The following IL1R1 variants were observed in gnomAD, a reference collection of about 807,000 sequenced individuals.
IL1R1 encodes the protein interleukin 1 receptor type 1.
IL1R1 carries 22 observed loss-of-function variants against 50.2 expected under a neutral mutation model. The observed-to-expected ratio is 0.44, with a 90% CI of 0.31 to 0.63. The LOEUF (loss-of-function observed/expected upper bound fraction) is 0.63, where lower values mean the gene tolerates loss of function less well. Ranked by LOEUF, IL1R1 falls within the 20% of genes least tolerant of loss-of-function variation. The pLI is 0.07. For missense variants in IL1R1, 509 were observed against 676.2 expected (o/e 0.75, Z 2.74); for synonymous variants, 251 against 236.7 (o/e 1.06, Z -0.55).
intron 1 of IL1R1, among the ~76,000 whole-genome samples, chr2:102,082,624 C>CAAACAAAACA (rs139456099): frequency 3.4e-4 from 52 of 151,956 alleles, no homozygotes; most frequent in East Asian, 1.4e-3. Flanking sequence ...ACTGCTTCAT[C>CAAACAAAACA]AAACAAAACA....
chr2:102,139,442 G>A (rs1266084161), upstream of IL1R1, among the ~76,000 whole-genome samples: 2 of 152,246 alleles, frequency 1.3e-5, no homozygotes, highest in Admixed American at 6.5e-5. Context: ...AAGCCAAATG[G>A]CATCCCTCTC....
At chr2:102,090,375 G>A (rs11123907) in intron 1 of IL1R1, among the ~76,000 whole-genome samples, 27,626 of 152,010 alleles carry the variant, frequency 0.18, 3,034 homozygotes, top group East Asian at 0.53. Context: ...TTTGAAAAAC[G>A]TTTGGCCACT....
chr2:102,093,064 T>C (rs571466952), intron 1 of IL1R1, among the ~76,000 whole-genome samples: 36 of 152,310 alleles, frequency 2.4e-4, no homozygotes, highest in Non-Finnish European at 4.4e-4. Flanking sequence ...TGTTTCCACT[T>C]TTGTTCATTA....
At chr2:102,160,703 T>C (rs927831764) in intron 3 of IL1R1, among the ~76,000 whole-genome samples, 2 of 152,276 alleles carry the variant, frequency 1.3e-5, no homozygotes, top group Middle Eastern at 3.4e-3. Context: ...GCCCAAAGCC[T>C]GCAAAAATGG....
intron 1 of IL1R1, among the ~76,000 whole-genome samples, chr2:102,137,002 T>C (rs939999394): frequency 3.3e-5 from 5 of 152,256 alleles, no homozygotes; most frequent in African/African-American, 1.2e-4. Flanking sequence ...TACATAGTTA[T>C]AGCTACTTCT....
intron 1 of IL1R1, among the ~76,000 whole-genome samples, chr2:102,112,041 T>C (rs1680793789): frequency 6.6e-6 from 1 of 152,032 alleles, no homozygotes; most frequent in South Asian, 2.1e-4. Context: ...AGAGTGTCTC[T>C]ATTATGCATC....
chr2:102,118,078 G>A (rs1577886488), intron 1 of IL1R1, among the ~76,000 whole-genome samples: 1 of 152,228 alleles, frequency 6.6e-6, no homozygotes, highest in East Asian at 1.9e-4. Flanking sequence ...GGTGATGGGA[G>A]TCTTTTGTTC....
intron 2 of IL1R1, among the ~76,000 whole-genome samples, chr2:102,156,588 T>G (rs1487701280): frequency 6.6e-6 from 1 of 152,040 alleles, no homozygotes; most frequent in East Asian, 1.9e-4. Context: ...CTTGGCTCAC[T>G]GCAACCCCCG....
rs368876318 is a variant in IL1R1 at position 102,134,642 on chromosome 2, T to G, written c.-83-19299T>G. 3.9e-4 allele frequency among the ~76,000 whole-genome samples: 60 copies of G among 152,150 alleles called. 1 individual carries two copies. In the East Asian group the frequency reaches 8.1e-3, roughly 21 times the overall value. On this transcript the variant is annotated intron_variant, in intron 1 of 10. Transcript: ENST00000409329. ...ATCCGTCCACCTCGGCCTCCAAAAG[T>G]GCTAGGATTACAGGCATGAGCCACC... is the stretch of plus-strand genomic sequence containing the variant.
At chr2:102,103,939 C>A (rs566893666), upstream of IL1R1, among the ~76,000 whole-genome samples, 1 of 137,426 alleles carries the variant, frequency 7.3e-6, no homozygotes, top group Non-Finnish European at 1.5e-5. Flanking sequence ...TGCTGTGAGC[C>A]GAGATTGTGA....
intron 1 of IL1R1, among the ~76,000 whole-genome samples, chr2:102,123,019 T>C (rs1355399822): frequency 6.6e-6 from 1 of 152,212 alleles, no homozygotes; most frequent in African/African-American, 2.4e-5. Flanking sequence ...GGGAAATTGG[T>C]TTACTTTAGT....
At chr2:102,124,852 G>A (rs1446579923) in intron 1 of IL1R1, among the ~76,000 whole-genome samples, 1 of 152,016 alleles carries the variant, frequency 6.6e-6, no homozygotes, top group African/African-American at 2.4e-5. Flanking sequence ...GGAGGCGGGG[G>A]TTGCAGTGAG....
chr2:102,086,047 G>T (rs913028486), intron 1 of IL1R1, among the ~76,000 whole-genome samples: 1 of 152,052 alleles, frequency 6.6e-6, no homozygotes, highest in Non-Finnish European at 1.5e-5. Flanking sequence ...TGACTTGTTC[G>T]TTGATAGAAA....
intron 1 of IL1R1, among the ~76,000 whole-genome samples, chr2:102,090,265 A>G (rs1679610260): frequency 6.7e-6 from 1 of 150,224 alleles, no homozygotes; most frequent in African/African-American, 2.5e-5. Context: ...CAAAGGTTCT[A>G]TGTTGGGGGT....
At chr2:102,073,440 A>C (rs1018411677) in intron 1 of IL1R1, among the ~76,000 whole-genome samples, 1 of 152,218 alleles carries the variant, frequency 6.6e-6, no homozygotes, top group Non-Finnish European at 1.5e-5. Flanking sequence ...ATAGGAACAA[A>C]GATTTAATCA....
Position 102,164,806 on chromosome 2 carries a change from T to C in IL1R1, c.94T>C (p.Leu32=). 1.2e-6 allele frequency: 2 copies of C among 1,613,852 alleles called. No individual in the cohort carries two copies. The highest frequency in any genetic ancestry group is 1.7e-6 in the Non-Finnish European group (2 of 1,179,872). The part of the protein sequence containing the change: ...KCKEREEKII[L]VSSANEIDVR... ...CAAGGAACGTGAAGAAAAAATAATT[T>C]TAGTGTCATCTGCAAATGAAATTGA... The change falls in exon 4 of 12, where the codon TTA becomes CTA. Residue 32 remains leucine (L), a synonymous_variant. Coordinates refer to ENST00000410023, the MANE Select transcript of IL1R1 (RefSeq NM_000877.4).
Position 102,154,362 on chromosome 2 carries a change from A to G in IL1R1, c.-7+345A>G, listed in dbSNP as rs140037645. On this transcript the variant is annotated intron_variant, in intron 2 of 11. Coordinates refer to ENST00000410023, the MANE Select transcript of IL1R1 (RefSeq NM_000877.4). ...TCCATTTTTACTCCACTGTCACCAC[A>G]TGTTCAAATTCTTGCTTTCTGCTCG... is the stretch of plus-strand genomic sequence containing the variant. Among the ~76,000 whole-genome samples, 5 of 152,188 alleles carry G rather than the reference A, an allele frequency of 3.3e-5. No individual in the cohort carries two copies. In the East Asian group the frequency reaches 5.8e-4, roughly 18 times the overall value.
chr2:102,118,388 T>G (rs1399319904), intron 1 of IL1R1, among the ~76,000 whole-genome samples: 1 of 152,180 alleles, frequency 6.6e-6, no homozygotes, highest in Non-Finnish European at 1.5e-5. Context: ...TTTATTGTAT[T>G]CTTTATTACA....
chr2:102,100,272 A>G (rs984343543), upstream of IL1R1, among the ~76,000 whole-genome samples: 5 of 151,810 alleles, frequency 3.3e-5, no homozygotes, highest in Admixed American at 3.3e-4. Flanking sequence ...TCTGCTCTGT[A>G]CTCTCCACAA....
Sources: allele counts gnomAD v4.1 joint callset (sites outside exome capture counted in the v4.1 genomes callset), GRCh38; gene constraint gnomAD v4.1.1; transcripts MANE v1.5; gene names NCBI Gene and HGNC (gene_info 2026-07-23, HGNC 2026-07-21).